LPAR3: variants seen among roughly 807,000 people sequenced by gnomAD.
LPAR3 encodes lysophosphatidic acid receptor 3.
Under a neutral mutation model 17.8 loss-of-function variants are expected in LPAR3, and 7 were observed. That is an observed-to-expected ratio of 0.39 (90% CI 0.22 to 0.74). LPAR3 has a LOEUF of 0.74. LPAR3 is among the 30% of genes least tolerant of loss of function. The pLI is 0.40. For missense variants in LPAR3, 391 were observed against 453.4 expected, an observed-to-expected ratio of 0.86 and a Z score of 1.25; for synonymous variants, 179 against 179.9, an observed-to-expected ratio of 0.99 and a Z score of 0.04.
At chr1:84,880,030 T>C (rs1332042985) in intron 1 of LPAR3, among the ~76,000 whole-genome samples, 1 of 152,230 alleles carries the variant, frequency 6.6e-6, no homozygotes, top group Non-Finnish European at 1.5e-5. Context: ...ATAGTACATG[T>C]ATCAAAACAT....
At chr1:84,871,177 G>GA (rs1039264612) in intron 1 of LPAR3, among the ~76,000 whole-genome samples, 17 of 151,414 alleles carry the variant, frequency 1.1e-4, no homozygotes, top group African/African-American at 3.4e-4. Flanking sequence ...TTCTAACCTA[G>GA]AAAAAAAAGA....
Position 84,850,564 on chromosome 1 carries a change from C to T in LPAR3, c.736+14821G>A, listed in dbSNP as rs72718724. On this transcript the variant is annotated intron_variant, in intron 2 of 2. Transcript: ENST00000370611. ...AGATTGCACTACTGCACTCCAGCCT[C>T]GGTGACAGAGCCAGATGTTGCCTTG... Among the ~76,000 whole-genome samples the T allele has an allele frequency of 5.9e-5, 9 of 152,106 alleles. No individual in the cohort carries two copies. In the East Asian group the frequency reaches 1.2e-3, roughly 20 times the overall value.
chr1:84,891,102 G>T (rs1015332196), intron 1 of LPAR3, among the ~76,000 whole-genome samples: 41 of 151,278 alleles, frequency 2.7e-4, no homozygotes, highest in African/African-American at 9.0e-4. Context: ...ACATATGCAG[G>T]CCTGTTCTAA....
intron 2 of LPAR3, among the ~76,000 whole-genome samples, chr1:84,830,599 C>T (rs1659264796): frequency 6.6e-6 from 1 of 152,188 alleles, no homozygotes; most frequent in African/African-American, 2.4e-5. Flanking sequence ...AGACTGAGAG[C>T]ACCTCAAGGG....
At chr1:84,856,609 A>G (rs1252376467) in intron 2 of LPAR3, among the ~76,000 whole-genome samples, 1 of 152,142 alleles carries the variant, frequency 6.6e-6, no homozygotes, top group Non-Finnish European at 1.5e-5. Context: ...AAGCTTATGA[A>G]TAATACCAAA....
chr1:84,833,172 T>C (rs751308523), intron 2 of LPAR3, among the ~76,000 whole-genome samples: 8 of 152,206 alleles, frequency 5.3e-5, no homozygotes, highest in African/African-American at 9.7e-5. Context: ...ACTAAAGATA[T>C]CATGACACTC....
chr1:84,833,010 A>G (rs1251353130), intron 2 of LPAR3, among the ~76,000 whole-genome samples: 1 of 152,238 alleles, frequency 6.6e-6, no homozygotes, highest in Admixed American at 6.5e-5. Flanking sequence ...AAACTTCTAA[A>G]CCACATAAAT....
chr1:84,824,447 T>C (rs1167353410), intron 2 of LPAR3, among the ~76,000 whole-genome samples: 1 of 152,128 alleles, frequency 6.6e-6, no homozygotes, highest in African/African-American at 2.4e-5. Flanking sequence ...TCTCTGGCAA[T>C]CAAATAGAAT....
intron 1 of LPAR3, among the ~76,000 whole-genome samples, chr1:84,875,180 G>A (rs976228629): frequency 1.3e-5 from 2 of 152,300 alleles, no homozygotes; most frequent in African/African-American, 2.4e-5. Flanking sequence ...GATGACAGAC[G>A]TGAGCCATCA....
chr1:84,868,154 G>C (rs1411057263), intron 1 of LPAR3, among the ~76,000 whole-genome samples: 5 of 152,116 alleles, frequency 3.3e-5, no homozygotes, highest in Admixed American at 6.6e-5. Context: ...CTGTCGCCCA[G>C]GCTGGAGTGC....
rs1419864006 is a variant in LPAR3 at position 84,865,970 on chromosome 1, C to A, written c.151G>T (p.Val51Phe). ...CTGTTTTTGATCACTGCCGCGATGA[C>A]CAGAGAATTAGAAAAAAAAATAAAC... The part of the protein sequence containing the change: ...CLFIFFSNSL[V>F]IAAVIKNRKF... The change falls in exon 2 of 3, where the codon GTC becomes TTC. Residue 51 changes from valine (V) to phenylalanine (F), a missense_variant. Transcript: ENST00000370611. The A allele has an allele frequency of 6.2e-7, 1 of 1,613,932 alleles. No individual in the cohort carries two copies.
In LPAR3 at chr1:84,865,874, A is replaced by T. The variant is rs750125738; in HGVS notation, c.247T>A (p.Tyr83Asn). 5 of 1,614,236 alleles carry T rather than the reference A, an allele frequency of 3.1e-6. No homozygotes were observed. Among genetic ancestry groups the T allele is most frequent in the Non-Finnish European group, 4.2e-6 (5 of 1,180,052 alleles). Residue 83 changes from tyrosine to asparagine, a missense_variant, in exon 2 of 3, where the codon TAT (tyrosine) becomes AAT (asparagine). Physicochemically the swap from Tyr to Asn is moderately radical, Grantham distance 143. Coordinates refer to ENST00000370611, the MANE Select transcript of LPAR3 (RefSeq NM_012152.3). Reference sequence around the variant, plus strand: ...CCTGTGTTAAACATCAGGAATACATAGGCAATTCCAGCGAAGAAATCGGCA... The same window carrying T: ...CCTGTGTTAAACATCAGGAATACATTGGCAATTCCAGCGAAGAAATCGGCA... ...AAADFFAGIA[Y>N]VFLMFNTGPV...
At chr1:84,865,041 A>G (rs1390558065) in intron 2 of LPAR3, among the ~76,000 whole-genome samples, 1 of 151,952 alleles carries the variant, frequency 6.6e-6, no homozygotes, top group Non-Finnish European at 1.5e-5. Context: ...CTCTGCTCAA[A>G]AGTCATCTTC....
intron 1 of LPAR3, among the ~76,000 whole-genome samples, chr1:84,883,219 G>C (rs1206954168): frequency 6.6e-6 from 1 of 152,192 alleles, no homozygotes; most frequent in African/African-American, 2.4e-5. Context: ...GAGCTCCACG[G>C]TGAGCTTGTT....
intron 1 of LPAR3, among the ~76,000 whole-genome samples, chr1:84,881,596 T>C (rs1414840052): frequency 1.3e-5 from 2 of 152,142 alleles, no homozygotes; most frequent in African/African-American, 4.8e-5. Flanking sequence ...GGTGACAAAA[T>C]CATCCTGTAA....
chr1:84,837,481 T>C (rs527694897), intron 2 of LPAR3, among the ~76,000 whole-genome samples: 1 of 151,850 alleles, frequency 6.6e-6, no homozygotes, highest in Non-Finnish European at 1.5e-5. Context: ...TTTCCCACTA[T>C]AGAAAAAAAA....
intron 1 of LPAR3, among the ~76,000 whole-genome samples, chr1:84,875,401 T>C (rs1660238084): frequency 6.6e-6 from 1 of 152,168 alleles, no homozygotes; most frequent in Non-Finnish European, 1.5e-5. Context: ...TGCTGAGAGG[T>C]AGGACTTTTA....
chr1:84,842,743 A>G (rs749053841), intron 2 of LPAR3, among the ~76,000 whole-genome samples: 25 of 152,248 alleles, frequency 1.6e-4, no homozygotes, highest in Non-Finnish European at 5.9e-5. Flanking sequence ...GAAGATAATC[A>G]TAACAGTCCT....
chr1:84,844,248 A>C (rs1373043673), intron 2 of LPAR3, among the ~76,000 whole-genome samples: 1 of 152,204 alleles, frequency 6.6e-6, no homozygotes, highest in East Asian at 1.9e-4. Flanking sequence ...TTACTCTTCT[A>C]TGCTTCCTGC....
Sources: allele counts gnomAD v4.1 joint callset (sites outside exome capture counted in the v4.1 genomes callset), GRCh38; gene constraint gnomAD v4.1.1; transcripts MANE v1.5; gene names NCBI Gene and HGNC (gene_info 2026-07-23, HGNC 2026-07-21).